PI4K2A: variants seen among roughly 807,000 people sequenced by gnomAD.
The protein encoded by PI4K2A is phosphatidylinositol 4-kinase type 2 alpha.
A neutral mutation model predicts 55.0 loss-of-function variants in PI4K2A; 20 were observed. The observed-to-expected ratio is 0.36, with a 90% CI of 0.26 to 0.53. The LOEUF is 0.53. Among genes scored for constraint, PI4K2A ranks in the 20% least tolerant of loss-of-function variants. The probability of loss-of-function intolerance (pLI) is 0.91; values close to 1 mark genes in which losing one functional copy is unlikely to be tolerated. For synonymous variants in PI4K2A, 235 were observed against 258.5 expected (o/e 0.91, Z 0.87); for missense variants, 463 against 637.1 (o/e 0.73, Z 2.94).
rs71007356 is a variant in PI4K2A, at chr10:97,650,278, CT to C, written c.436-647del. Among the ~76,000 whole-genome samples the C allele has an allele frequency of 1.4e-3, 149 of 108,040 alleles. 1 individual carries two copies. The highest frequency in any genetic ancestry group is 2.0e-3 in the East Asian group (7 of 3,582). The allele number at this position is 108,040 out of a possible 152,430, so 70.9% of individuals were successfully genotyped here. On this transcript the variant is annotated intron_variant, in intron 1 of 8. Coordinates refer to ENST00000370631, the Ensembl canonical transcript of PI4K2A. ...TCTACCACTGAATTGGCTTCTGTAC[CT>C]TTTTTTTTTTTTTTTGTGAGACAGG...
chr10:97,656,263 T>C lies in PI4K2A; in HGVS notation c.637-22T>C, dbSNP rs369644640. On this transcript the variant is annotated intron_variant, in intron 2 of 8. Transcript: ENST00000370631. The surrounding 1 kb of genome is among the most constrained non-coding windows in gnomAD (Gnocchi z 4.5). ...TCCTTAAACTTGACTCTAACCTTAG[T>C]ATCTCTTCTCTTTCACTGTAGGTAG... is the stretch of plus-strand genomic sequence containing the variant. 4.5e-5 allele frequency: 72 copies of C among 1,606,138 alleles called. No homozygotes were observed. The African/African-American group carries it at 8.7e-4, about 19-fold the overall frequency.
chr10:97,645,518 G>T (rs2041500945), intron 1 of PI4K2A, among the ~76,000 whole-genome samples: 1 of 149,726 alleles, frequency 6.7e-6, no homozygotes, highest in Non-Finnish European at 1.5e-5. Context: ...TGAGGTAGGA[G>T]AATGGCGTGA....
exon 9 of PI4K2A, chr10:97,673,849 A>G: frequency 1.9e-6 from 2 of 1,028,756 alleles, no homozygotes; most frequent in Non-Finnish European, 2.9e-6. Context: ...CACCTTTAAG[A>G]GCCCTCTCTC....
At chr10:97,647,008 C>G (rs1347932702) in intron 1 of PI4K2A, among the ~76,000 whole-genome samples, 1 of 151,928 alleles carries the variant, frequency 6.6e-6, no homozygotes, top group Non-Finnish European at 1.5e-5. Flanking sequence ...TCTTGAACTC[C>G]TGACCTCAAA....
chr10:97,670,184 G>A (rs1279525761), intron 8 of PI4K2A, among the ~76,000 whole-genome samples: 1 of 152,108 alleles, frequency 6.6e-6, no homozygotes, highest in East Asian at 1.9e-4. Context: ...ATAGGCATGT[G>A]CCACCACATC....
chr10:97,673,771 C>T, exon 9 of PI4K2A: 1 of 1,608,294 alleles, frequency 6.2e-7, no homozygotes, highest in Admixed American at 1.7e-5. Flanking sequence ...GAAATATTGT[C>T]AGAGACTGGT....
At chr10:97,649,843 C>T (rs993596656) in intron 1 of PI4K2A, among the ~76,000 whole-genome samples, 3 of 151,688 alleles carry the variant, frequency 2.0e-5, no homozygotes, top group Admixed American at 6.6e-5. Context: ...AGGCTGGTCT[C>T]GAACTCTTGA....
At chr10:97,667,506 G>A (rs180987880) in intron 8 of PI4K2A, among the ~76,000 whole-genome samples, 34 of 152,228 alleles carry the variant, frequency 2.2e-4, no homozygotes, top group African/African-American at 7.5e-4. Flanking sequence ...CCCTGCGCCC[G>A]GCCGTGTTTT....
intron 1 of PI4K2A, among the ~76,000 whole-genome samples, chr10:97,643,921 A>G (rs1273873937): frequency 6.6e-6 from 1 of 152,220 alleles, no homozygotes; most frequent in Non-Finnish European, 1.5e-5. Context: ...GTGACAACAC[A>G]AGCCCATGGT....
chr10:97,649,609 ATTTTTTTT>A (rs60329004), intron 1 of PI4K2A, among the ~76,000 whole-genome samples: 44 of 70,548 alleles, frequency 6.2e-4, no homozygotes, highest in Non-Finnish European at 1.1e-3. Context: ...TCCATAATAG[ATTTTTTTT>A]TTTTTTTTTT....
At chr10:97,666,453 C>T (rs2041609635) in exon 7 of PI4K2A, 2 of 1,613,016 alleles carry the variant, frequency 1.2e-6, no homozygotes, top group Non-Finnish European at 1.7e-6. Context: ...TTTTACTGGG[C>T]CTGGTTGCCC....
chr10:97,657,375 C>G (rs1454855201), intron 4 of PI4K2A, among the ~76,000 whole-genome samples: 1 of 152,034 alleles, frequency 6.6e-6, no homozygotes, highest in African/African-American at 2.4e-5. Flanking sequence ...GGACAAAAGT[C>G]TTTAAATTCA....
chr10:97,647,988 G>A (rs1251938648), intron 1 of PI4K2A, among the ~76,000 whole-genome samples: 1 of 151,484 alleles, frequency 6.6e-6, no homozygotes, highest in Non-Finnish European at 1.5e-5. Flanking sequence ...AGGCTACAGT[G>A]CAGTGGCATG....
At chr10:97,676,401 T>C (rs1260808922) in exon 9 of PI4K2A, 1 of 152,210 alleles carries the variant, frequency 6.6e-6, no homozygotes, top group Non-Finnish European at 1.5e-5. Context: ...GACTACTTCC[T>C]AAGAGCCAAA....
intron 6 of PI4K2A, among the ~76,000 whole-genome samples, 198 bp downstream of exon 6, chr10:97,665,182 A>G (rs925635749): frequency 6.6e-6 from 1 of 152,214 alleles, no homozygotes; most frequent in African/African-American, 2.4e-5. Context: ...TTTGTCTTCT[A>G]TGATTCCCAT....
At chr10:97,640,735 T>G (rs1363944741) in exon 1 of PI4K2A, 1 of 1,488,984 alleles carries the variant, frequency 6.7e-7, no homozygotes, top group Non-Finnish European at 8.9e-7. Context: ...GAGCCGGCTG[T>G]CTGAGGGATG....
chr10:97,640,753 C>A, exon 1 of PI4K2A: 1 of 1,506,060 alleles, frequency 6.6e-7, no homozygotes, highest in Non-Finnish European at 8.9e-7. Flanking sequence ...ATGGACGAGA[C>A]GAGCCCACTA....
At chr10:97,642,850 C>G (rs12357402) in intron 1 of PI4K2A, among the ~76,000 whole-genome samples, 1 of 80,344 alleles carries the variant, frequency 1.2e-5, no homozygotes, top group South Asian at 4.3e-4. Context: ...TTCCTTCCTT[C>G]CTTTCTTTCT....
chr10:97,672,483 C>T (rs1383296545), intron 8 of PI4K2A, among the ~76,000 whole-genome samples: 4 of 152,088 alleles, frequency 2.6e-5, no homozygotes, highest in African/African-American at 9.7e-5. Flanking sequence ...TTTCTGCTTT[C>T]CTTTGCATCT....
Sources: gnomAD v4.1 joint callset for allele counts (sites outside exome capture counted in the v4.1 genomes callset) on GRCh38, gnomAD v4.1.1 for gene constraint, Gnocchi (gnomAD v3.1) non-coding constraint, MANE v1.5 for transcripts, NCBI Gene and HGNC (gene_info 2026-07-23, HGNC 2026-07-21) for gene names.